NKAIN2: variants seen among roughly 807,000 people sequenced by gnomAD.
NKAIN2 encodes sodium/potassium transporting ATPase interacting 2, also known as sodium/potassium-transporting ATPase subunit beta-1-interacting protein 2.
Under a neutral mutation model 32.6 loss-of-function variants are expected in NKAIN2, and 14 were observed. The observed-to-expected ratio is 0.43, with a 90% CI of 0.28 to 0.67. The LOEUF is 0.67. NKAIN2 is among the 30% of genes least tolerant of loss of function. The probability of loss-of-function intolerance (pLI) is 0.17; values close to 1 mark genes in which losing one functional copy is unlikely to be tolerated. For missense variants in NKAIN2, 198 were observed against 258.3 expected, an observed-to-expected ratio of 0.77 and a Z score of 1.60; for synonymous variants, 80 against 87.2, an observed-to-expected ratio of 0.92 and a Z score of 0.46.
intron 3 of NKAIN2, among the ~76,000 whole-genome samples, chr6:124,372,204 T>C (rs1799800093): frequency 6.6e-6 from 1 of 152,232 alleles, no homozygotes; most frequent in Non-Finnish European, 1.5e-5. Context: ...GTTTCAGTTT[T>C]ATATTATTAC....
At chr6:124,179,366 A>G (rs1220581265) in intron 1 of NKAIN2, among the ~76,000 whole-genome samples, 1 of 152,210 alleles carries the variant, frequency 6.6e-6, no homozygotes, top group African/African-American at 2.4e-5. Context: ...ATTTGCAATC[A>G]GAAGGAAGTG....
At chr6:124,183,960 G>T (rs1039597121) in intron 1 of NKAIN2, among the ~76,000 whole-genome samples, 22 of 152,122 alleles carry the variant, frequency 1.4e-4, no homozygotes, top group Non-Finnish European at 8.8e-5. Context: ...GATTGATAAT[G>T]ACTTTATTTG....
intron 4 of NKAIN2, among the ~76,000 whole-genome samples, chr6:124,773,088 T>C (rs2114764254): frequency 6.6e-6 from 1 of 152,248 alleles, no homozygotes; most frequent in Non-Finnish European, 1.5e-5. Flanking sequence ...GGCTTTTTAG[T>C]GGTGTTGGAA....
intron 4 of NKAIN2, among the ~76,000 whole-genome samples, chr6:124,725,849 T>C (rs1245642636): frequency 3.3e-5 from 5 of 152,128 alleles, no homozygotes; most frequent in Admixed American, 3.3e-4. Flanking sequence ...AGTGGGTGCA[T>C]GCACCGTGTG....
At chr6:124,610,099 C>T (rs1782637672) in intron 3 of NKAIN2, among the ~76,000 whole-genome samples, 1 of 152,136 alleles carries the variant, frequency 6.6e-6, no homozygotes, top group Admixed American at 6.5e-5. Context: ...TGTCATGGCA[C>T]CTTCAAGCAC....
chr6:124,265,050 G>A (rs1371220608), intron 1 of NKAIN2, among the ~76,000 whole-genome samples: 2 of 151,962 alleles, frequency 1.3e-5, no homozygotes, highest in Non-Finnish European at 2.9e-5. Flanking sequence ...ATATTATATA[G>A]CTATATACGT....
chr6:124,460,743 T>C (rs930761736), intron 3 of NKAIN2, among the ~76,000 whole-genome samples: 1 of 151,750 alleles, frequency 6.6e-6, no homozygotes, highest in Non-Finnish European at 1.5e-5. Context: ...CTACTTGAAC[T>C]TGAAGACTTA....
chr6:124,823,580 C>G lies in NKAIN2; in HGVS notation c.*351C>G, dbSNP rs1323781091. On this transcript the variant is annotated 3_prime_UTR_variant, in exon 7 of 7. Transcript: ENST00000368417. ...CCGGCCATTGCTAACTCCTCTGCAGCCCAGCGGGTTGGCCTCTGTGAGCTG... is the reference window on the plus strand; with the variant it reads ...CCGGCCATTGCTAACTCCTCTGCAGGCCAGCGGGTTGGCCTCTGTGAGCTG... 1 of 246,100 alleles carries G rather than the reference C, an allele frequency of 4.1e-6. No homozygotes were observed. Among genetic ancestry groups the G allele is most frequent in the Non-Finnish European group, 7.9e-6 (1 of 126,064 alleles). 15.2% of individuals were successfully genotyped at this position (246,100 alleles called of 1,614,324 possible). A position where few individuals can be genotyped will look rare whatever the true frequency, so the allele number is the denominator to read the frequency against.
chr6:124,588,028 A>G (rs749283135), intron 3 of NKAIN2, among the ~76,000 whole-genome samples: 5 of 152,172 alleles, frequency 3.3e-5, no homozygotes, highest in African/African-American at 4.8e-5. Context: ...TCAAATGAGC[A>G]TGTTCCACTG....
chr6:124,815,949 TG>T (rs1781143792), intron 5 of NKAIN2, among the ~76,000 whole-genome samples: 1 of 152,158 alleles, frequency 6.6e-6, no homozygotes, highest in African/African-American at 2.4e-5. Flanking sequence ...TTTTAAGAGA[TG>T]TTAAGTTGTT....
chr6:124,645,736 C>T (rs929223224), intron 3 of NKAIN2, among the ~76,000 whole-genome samples: 2 of 152,124 alleles, frequency 1.3e-5, no homozygotes, highest in African/African-American at 4.8e-5. Flanking sequence ...AAGGAAGGCT[C>T]CAACATGAAA....
chr6:124,785,070 A>G (rs890566440), intron 4 of NKAIN2, among the ~76,000 whole-genome samples: 8 of 151,794 alleles, frequency 5.3e-5, no homozygotes, highest in Admixed American at 1.3e-4. Context: ...CCAGTGGGGG[A>G]AAAAAAAGTT....
intron 1 of NKAIN2, among the ~76,000 whole-genome samples, chr6:123,940,304 G>A (rs976937364): frequency 7.3e-6 from 1 of 136,598 alleles, no homozygotes; most frequent in Non-Finnish European, 1.7e-5. Flanking sequence ...TGTTTGGTTT[G>A]TGTGTGTGTG....
intron 1 of NKAIN2, among the ~76,000 whole-genome samples, chr6:124,072,751 A>G (rs1220053359): frequency 6.6e-6 from 1 of 152,172 alleles, no homozygotes; most frequent in African/African-American, 2.4e-5. Context: ...TTTATGAAAT[A>G]TTATTTTATT....
chr6:124,422,845 A>G (rs1774816911), intron 3 of NKAIN2, among the ~76,000 whole-genome samples: 1 of 152,210 alleles, frequency 6.6e-6, no homozygotes, highest in Non-Finnish European at 1.5e-5. Flanking sequence ...TTTCCAACAG[A>G]TAGTATGTGT....
At chr6:124,383,966 A>G (rs1287174476) in intron 3 of NKAIN2, among the ~76,000 whole-genome samples, 1 of 152,182 alleles carries the variant, frequency 6.6e-6, no homozygotes, top group African/African-American at 2.4e-5. Flanking sequence ...TTATACCTAC[A>G]TTAGACAATG....
chr6:124,149,613 C>A (rs538480396), intron 1 of NKAIN2, among the ~76,000 whole-genome samples: 11 of 152,202 alleles, frequency 7.2e-5, no homozygotes, highest in Non-Finnish European at 1.2e-4. Context: ...TATTTCTGAA[C>A]TCTTGATTTA....
chr6:124,598,328 A>G (rs1267473084), intron 3 of NKAIN2, among the ~76,000 whole-genome samples: 3 of 152,194 alleles, frequency 2.0e-5, no homozygotes, highest in Non-Finnish European at 4.4e-5. Context: ...ATGATCCATA[A>G]AAGTGTCAGC....
rs536371590 is a variant in NKAIN2 at position 123,971,635 on chromosome 6, C to T, written c.54+167381C>T. On this transcript the variant is annotated intron_variant, in intron 1 of 6. Coordinates refer to ENST00000368417, the MANE Select transcript of NKAIN2 (RefSeq NM_001040214.3). ...ATCTCCCTTAGGAAAGCTTGTTGTC[C>T]CCATCATGTCTGTGTTACACAGCCA... 9.2e-5 allele frequency among the ~76,000 whole-genome samples: 14 copies of T among 152,162 alleles called. No individual in the cohort carries two copies. The South Asian group carries it at 2.9e-3, about 32-fold the overall frequency.
Sources: gnomAD v4.1 joint callset for allele counts (sites outside exome capture counted in the v4.1 genomes callset) on GRCh38, gnomAD v4.1.1 for gene constraint, MANE v1.5 for transcripts, NCBI Gene and HGNC (gene_info 2026-07-23, HGNC 2026-07-21) for gene names.